The following AP4S1 variants were observed in gnomAD, a reference collection of about 807,000 sequenced individuals.
AP4S1 encodes the protein AP-4 complex subunit sigma-1.
A neutral mutation model predicts 19.8 loss-of-function variants in AP4S1; 23 were observed. The ratio of observed to expected loss-of-function variants is 1.16; its 90% CI spans 0.84 to 1.65. The LOEUF (loss-of-function observed/expected upper bound fraction) is 1.65. AP4S1 is among the 40% of genes most tolerant of loss of function. The pLI is 0.00. For missense variants in AP4S1, 166 were observed against 172.8 expected (o/e 0.96, Z 0.22); for synonymous variants, 46 against 54.1 (o/e 0.85, Z 0.66).
intron 1 of AP4S1, among the ~76,000 whole-genome samples, chr14:31,052,934 A>ATTTTTT (rs1209280743): frequency 2.2e-4 from 22 of 101,204 alleles, no homozygotes; most frequent in African/African-American, 7.3e-4. Flanking sequence ...AGTGTGCTAA[A>ATTTTTT]TTTTTTTTTT....
intron 4 of AP4S1, chr14:31,073,216 C>A: frequency 2.4e-6 from 1 of 423,974 alleles, no homozygotes; most frequent in Non-Finnish European, 4.4e-6. Flanking sequence ...TATAGCAGGG[C>A]GCGATGGCTC....
intron 1 of AP4S1, among the ~76,000 whole-genome samples, chr14:31,052,211 G>A (rs1566522692): frequency 6.6e-6 from 1 of 152,048 alleles, no homozygotes; most frequent in Non-Finnish European, 1.5e-5. Flanking sequence ...CATCGAGGCT[G>A]CAGTGAGCCA....
intron 1 of AP4S1, among the ~76,000 whole-genome samples, chr14:31,054,668 G>C (rs567167605): frequency 6.6e-6 from 1 of 151,664 alleles, no homozygotes; most frequent in Non-Finnish European, 1.5e-5. Context: ...TGGCCTGGGT[G>C]ACAGAGCAAG....
intron 5 of AP4S1, chr14:31,084,957 T>A: frequency 6.2e-7 from 1 of 1,606,772 alleles, no homozygotes; most frequent in Non-Finnish European, 8.5e-7. Context: ...AGTGCGTACC[T>A]GCTCTACGCG....
At chr14:31,040,183 G>A (rs1487040082) in intron 1 of AP4S1, among the ~76,000 whole-genome samples, 5 of 129,272 alleles carry the variant, frequency 3.9e-5, no homozygotes, top group East Asian at 2.2e-4. Context: ...ACAGGGTCTC[G>A]TTCCCTCCCC....
At chr14:31,075,173 A>G (rs1006092823) in intron 4 of AP4S1, among the ~76,000 whole-genome samples, 1 of 151,954 alleles carries the variant, frequency 6.6e-6, no homozygotes, top group Non-Finnish European at 1.5e-5. Flanking sequence ...ACCTCTCTTC[A>G]TTTCCTCTTT....
intron 5 of AP4S1, chr14:31,083,400 C>G: frequency 4.6e-6 from 2 of 438,800 alleles, no homozygotes; most frequent in South Asian, 3.3e-5. Flanking sequence ...AATATTATGT[C>G]TTTGCTCCAG....
intron 1 of AP4S1, among the ~76,000 whole-genome samples, chr14:31,033,171 A>G (rs1341849461): frequency 6.6e-6 from 1 of 152,090 alleles, no homozygotes; most frequent in Non-Finnish European, 1.5e-5. Context: ...AATTATTTTT[A>G]GATAGTTTTG....
At chr14:31,033,068 C>G (rs1884500727) in intron 1 of AP4S1, 1 of 152,194 alleles carries the variant, frequency 6.6e-6, no homozygotes, top group Non-Finnish European at 1.5e-5. Context: ...TATTTGGAAA[C>G]TAGAAAGTCT....
intron 5 of AP4S1, chr14:31,084,888 C>G: frequency 6.2e-7 from 1 of 1,614,146 alleles, no homozygotes; most frequent in Non-Finnish European, 8.5e-7. Context: ...ACTGAATAGC[C>G]AGGGGAGGGC....
rs577575338 is a variant in AP4S1, at chr14:31,059,930, A to AAT, written c.-71-6181_-71-6180dup. 1.0e-3 allele frequency among the ~76,000 whole-genome samples: 151 copies of AAT among 146,914 alleles called. No individual in the cohort carries two copies. The East Asian group carries it at 0.017, about 17-fold the overall frequency. On this transcript the variant is annotated intron_variant, in intron 1 of 5. Transcript: ENST00000542754. ...AAGAAATGAGCTGGGAGGACAAAAA[A>AAT]ATATATATATATATATTTATTTATT...
chr14:31,029,367 A>G (rs1478523057), intron 1 of AP4S1, among the ~76,000 whole-genome samples: 2 of 152,246 alleles, frequency 1.3e-5, no homozygotes. Flanking sequence ...ATATAAATTG[A>G]TCTAGATCCA....
intron 3 of AP4S1, 85 bp from the exon 4 acceptor site, chr14:31,072,820 C>T: frequency 1.8e-6 from 2 of 1,141,374 alleles, no homozygotes; most frequent in East Asian, 4.7e-5. Context: ...TGCTCTAAAA[C>T]CTGGACACTG....
At chr14:31,055,717 T>C (rs1886070093) in intron 1 of AP4S1, among the ~76,000 whole-genome samples, 1 of 52,474 alleles carries the variant, frequency 1.9e-5, no homozygotes, top group South Asian at 9.5e-4. Context: ...TGTCTGATAT[T>C]ACCTTAGTGT....
At chr14:31,051,888 T>C (rs1047352691) in intron 1 of AP4S1, among the ~76,000 whole-genome samples, 2 of 152,194 alleles carry the variant, frequency 1.3e-5, no homozygotes, top group African/African-American at 4.8e-5. Context: ...TTCAAACTCC[T>C]GAGCTCAAGT....
chr14:31,064,414 C>T (rs922355996), intron 1 of AP4S1, among the ~76,000 whole-genome samples: 2 of 152,086 alleles, frequency 1.3e-5, no homozygotes, highest in Admixed American at 6.6e-5. Flanking sequence ...CTCCGCCTCC[C>T]GGATTCAAGC....
intron 1 of AP4S1, among the ~76,000 whole-genome samples, chr14:31,033,591 G>T (rs562477620): frequency 1.4e-4 from 22 of 152,314 alleles, no homozygotes; most frequent in African/African-American, 5.3e-4. Context: ...GCTGACATGT[G>T]TTCAGAAACC....
At chr14:31,074,799 G>C (rs1006499657) in intron 4 of AP4S1, among the ~76,000 whole-genome samples, 1 of 149,106 alleles carries the variant, frequency 6.7e-6, no homozygotes, top group Non-Finnish European at 1.5e-5. Context: ...ACAAAGAAAC[G>C]TACCCATTAG....
At chr14:31,061,990 C>T (rs146859983) in intron 1 of AP4S1, among the ~76,000 whole-genome samples, 1 of 152,132 alleles carries the variant, frequency 6.6e-6, no homozygotes, top group African/African-American at 2.4e-5. Flanking sequence ...CTATATGCCA[C>T]ATTTATTCTA....
Sources: gnomAD v4.1 joint callset for allele counts (sites outside exome capture counted in the v4.1 genomes callset) on GRCh38, gnomAD v4.1.1 for gene constraint, MANE v1.5 for transcripts, NCBI Gene and HGNC (gene_info 2026-07-23, HGNC 2026-07-21) for gene names.